Variants in DCC observed in about 807,000 individuals in gnomAD.
DCC encodes netrin receptor DCC.
Under a neutral mutation model 172.5 loss-of-function variants are expected in DCC, and 58 were observed. The ratio of observed to expected loss-of-function variants is 0.34; its 90% confidence interval spans 0.27 to 0.42. The LOEUF is 0.42. DCC is among the 10% of genes least tolerant of loss of function. DCC has a pLI of 1.00. For missense variants in DCC, 1,740 were observed against 1,791.0 expected, an observed-to-expected ratio of 0.97 and a Z score of 0.51; for synonymous variants, 709 against 644.5, an observed-to-expected ratio of 1.10 and a Z score of -1.52.
intron 1 of DCC, among the ~76,000 whole-genome samples, chr18:52,538,478 A>C (rs1024697046): frequency 1.3e-5 from 2 of 152,144 alleles, no homozygotes; most frequent in African/African-American, 4.8e-5. Flanking sequence ...CCCTGTTCAA[A>C]CTTTATTTCT....
At chr18:53,426,375 A>G (rs1164715999) in intron 21 of DCC, among the ~76,000 whole-genome samples, 2 of 144,102 alleles carry the variant, frequency 1.4e-5, no homozygotes, top group East Asian at 3.9e-4. Flanking sequence ...TATTTATACT[A>G]TGTTATATAT....
chr18:53,313,290 G>C (rs2057304459), intron 13 of DCC, among the ~76,000 whole-genome samples: 2 of 152,052 alleles, frequency 1.3e-5, no homozygotes, highest in African/African-American at 2.4e-5. Flanking sequence ...CTGTGGCCCA[G>C]GGTTGAGTGC....
chr18:53,108,957 A>G (rs553280301), intron 7 of DCC, among the ~76,000 whole-genome samples: 8 of 150,122 alleles, frequency 5.3e-5, no homozygotes, highest in African/African-American at 1.5e-4. Flanking sequence ...GGAACTGCAC[A>G]TTTTCAAACT....
At chr18:52,844,360 G>C (rs1012708538) in intron 2 of DCC, among the ~76,000 whole-genome samples, 5 of 152,132 alleles carry the variant, frequency 3.3e-5, no homozygotes, top group African/African-American at 1.2e-4. Context: ...ATAGATGTGA[G>C]CTGGGCCCTG....
chr18:53,241,684 C>T (rs1266786633), intron 12 of DCC, among the ~76,000 whole-genome samples: 1 of 152,174 alleles, frequency 6.6e-6, no homozygotes, highest in Non-Finnish European at 1.5e-5. Context: ...GCTGGAAATA[C>T]AGATGTGCAT....
At chr18:52,611,976 T>G (rs1942103) in intron 1 of DCC, among the ~76,000 whole-genome samples, 9,464 of 152,182 alleles carry the variant, frequency 0.062, 707 homozygotes, top group African/African-American at 0.18. Flanking sequence ...GAGATAGGTT[T>G]TGGCATTGGA....
intron 1 of DCC, among the ~76,000 whole-genome samples, chr18:52,420,424 G>A (rs535864972): frequency 6.6e-6 from 1 of 152,186 alleles, no homozygotes; most frequent in South Asian, 2.1e-4. Flanking sequence ...TTAAAGTATG[G>A]TCCACAGTCT....
intron 1 of DCC, among the ~76,000 whole-genome samples, chr18:52,443,918 T>C (rs1340480938): frequency 1.3e-5 from 2 of 152,078 alleles, no homozygotes; most frequent in African/African-American, 4.8e-5. Context: ...AGGTTATCAT[T>C]GATGAGGGCT....
chr18:52,880,067 T>C (rs2039460799), intron 2 of DCC, among the ~76,000 whole-genome samples: 1 of 152,182 alleles, frequency 6.6e-6, no homozygotes, highest in Non-Finnish European at 1.5e-5. Flanking sequence ...TTAAATGTAC[T>C]ATCAGATTAT....
intron 1 of DCC, among the ~76,000 whole-genome samples, chr18:52,392,038 C>G (rs759837807): frequency 7.2e-5 from 11 of 152,164 alleles, no homozygotes; most frequent in African/African-American, 1.2e-4. Flanking sequence ...AAGTCAAAAT[C>G]AAATCTGCGT....
intron 12 of DCC, among the ~76,000 whole-genome samples, chr18:53,217,783 A>G (rs1163122543): frequency 6.6e-6 from 1 of 152,134 alleles, no homozygotes; most frequent in African/African-American, 2.4e-5. Flanking sequence ...TTTAAAAAGA[A>G]ACATTATAGT....
intron 1 of DCC, among the ~76,000 whole-genome samples, chr18:52,505,255 G>A (rs2031188370): frequency 6.6e-6 from 1 of 152,090 alleles, no homozygotes; most frequent in South Asian, 2.1e-4. Context: ...CTAATGCTCT[G>A]TGCTTTTCAA....
At chr18:52,846,816 A>G (rs1436243253) in intron 2 of DCC, among the ~76,000 whole-genome samples, 2 of 152,196 alleles carry the variant, frequency 1.3e-5, no homozygotes, top group Non-Finnish European at 2.9e-5. Context: ...CAGGAGTTCA[A>G]TAACCATGGA....
intron 15 of DCC, among the ~76,000 whole-genome samples, chr18:53,343,652 C>T (rs62098015): frequency 0.014 from 2,092 of 151,922 alleles, 16 homozygotes; most frequent in Non-Finnish European, 0.022. Flanking sequence ...TTCTCTTTTA[C>T]TCCAGTTAGA....
rs9965111 is a variant in DCC at position 52,784,688 on chromosome 18, T to G, written c.412+32314T>G. Among the ~76,000 whole-genome samples the G allele has an allele frequency of 6.5e-3, 995 of 152,148 alleles. 12 individuals carry two copies. The highest frequency in any genetic ancestry group is 0.022 in the African/African-American group (928 of 41,510). ...GTTGATATTGAAAATTTTTTAAATA[T>G]GTTTTGGCCATTTGTATGTCTTCTT... On this transcript the variant is annotated intron_variant, in intron 2 of 28. Transcript: ENST00000442544.
chr18:52,994,512 T>TTCATA (rs2041448356), intron 5 of DCC, among the ~76,000 whole-genome samples: 3 of 152,172 alleles, frequency 2.0e-5, no homozygotes, highest in African/African-American at 7.2e-5. Flanking sequence ...GAACGTACGA[T>TTCATA]TCTCATACTT....
At chr18:52,904,761 C>G (rs553593480) in intron 2 of DCC, among the ~76,000 whole-genome samples, 40 of 152,192 alleles carry the variant, frequency 2.6e-4, no homozygotes, top group African/African-American at 9.6e-4. Context: ...ATGAATGGAT[C>G]AAAGTTTATT....
At chr18:52,754,626 G>A (rs531777216) in intron 2 of DCC, among the ~76,000 whole-genome samples, 38 of 152,200 alleles carry the variant, frequency 2.5e-4, no homozygotes, top group Middle Eastern at 3.2e-3. Context: ...AATGTCTGTT[G>A]TTTACAGCCT....
At chr18:52,962,273 C>A (rs1238614270) in intron 5 of DCC, among the ~76,000 whole-genome samples, 2 of 151,594 alleles carry the variant, frequency 1.3e-5, no homozygotes, top group Non-Finnish European at 2.9e-5. Flanking sequence ...AAAAAAACAA[C>A]CCCATCAAAA....
Sources: gnomAD v4.1 joint callset for allele counts (sites outside exome capture counted in the v4.1 genomes callset) on GRCh38, gnomAD v4.1.1 for gene constraint, MANE v1.5 for transcripts, NCBI Gene and HGNC (gene_info 2026-07-23, HGNC 2026-07-21) for gene names.